SH3RF3: variants seen among roughly 807,000 people sequenced by gnomAD.
SH3RF3 encodes the protein E3 ubiquitin-protein ligase SH3RF3.
In SH3RF3, 29 loss-of-function variants were observed where a neutral mutation model predicts 66.3. The ratio of observed to expected loss-of-function variants is 0.44; its 90% CI spans 0.33 to 0.60. The LOEUF is 0.60. SH3RF3 is among the 20% of genes least tolerant of loss of function. The pLI is 0.04. For missense variants in SH3RF3, 1,194 were observed against 1,190.9 expected, an observed-to-expected ratio of 1.00 and a Z score of -0.04; for synonymous variants, 583 against 532.0, an observed-to-expected ratio of 1.10 and a Z score of -1.32.
At chr2:109,483,878 C>T (rs2104771428) in intron 8 of SH3RF3, among the ~76,000 whole-genome samples, 1 of 152,202 alleles carries the variant, frequency 6.6e-6, no homozygotes, top group East Asian at 1.9e-4. Flanking sequence ...TGGCTTGGCT[C>T]CTCAGAAGCA....
chr2:109,419,707 C>A, intron 5 of SH3RF3, 65 bp downstream of exon 5: 1 of 1,465,858 alleles, frequency 6.8e-7, no homozygotes, highest in East Asian at 2.5e-5. Context: ...CTGGGCTGAC[C>A]TGTCCACGTG....
At chr2:109,345,153 C>T (rs1682655525) in intron 1 of SH3RF3, among the ~76,000 whole-genome samples, 1 of 152,172 alleles carries the variant, frequency 6.6e-6, no homozygotes, top group South Asian at 2.1e-4. Context: ...GTGGAAGATG[C>T]CTCAGTCTCT....
chr2:109,156,971 T>C (rs73952859), intron 1 of SH3RF3, among the ~76,000 whole-genome samples: 1,700 of 152,264 alleles, frequency 0.011, 43 homozygotes, highest in African/African-American at 0.038. Flanking sequence ...TTAATAAAGG[T>C]TTTTATTTCC....
chr2:109,186,587 C>T (rs956328042), intron 1 of SH3RF3, among the ~76,000 whole-genome samples: 3 of 152,204 alleles, frequency 2.0e-5, no homozygotes, highest in Non-Finnish European at 4.4e-5. Context: ...AAATAACCTC[C>T]TGCCCCCAGT....
Position 109,129,564 on chromosome 2 carries a change from G to T in SH3RF3, c.24G>T (p.Leu8=). 6.7e-7 allele frequency: 1 copy of T among 1,490,136 alleles called. No individual in the cohort carries two copies. Among genetic ancestry groups the T allele is most frequent in the East Asian group, 2.8e-5 (1 of 35,258 alleles). The allele number at this position is 1,490,136 out of a possible 1,614,324, so 92.3% of individuals were successfully genotyped here. A position where few individuals can be genotyped will look rare whatever the true frequency, so the allele number is the denominator to read the frequency against. Residue 8 remains leucine (L), a synonymous_variant, in exon 1 of 10, where the codon CTG becomes CTT. Coordinates refer to ENST00000309415, the MANE Select transcript of SH3RF3 (RefSeq NM_001099289.3). The part of the protein sequence containing the change: MLLGASW[L]CASKAAAAAA... ...CCATGCTGCTCGGAGCGTCCTGGCT[G>T]TGCGCATCCAAGGCGGCCGCCGCTG...
chr2:109,296,016 A>G (rs1340213999), intron 1 of SH3RF3, among the ~76,000 whole-genome samples: 1 of 152,024 alleles, frequency 6.6e-6, no homozygotes, highest in Non-Finnish European at 1.5e-5. Context: ...TGAAGGATTG[A>G]TGGGAGGCTC....
At chr2:109,140,710 T>C (rs1342703699) in intron 1 of SH3RF3, among the ~76,000 whole-genome samples, 3 of 152,122 alleles carry the variant, frequency 2.0e-5, no homozygotes, top group Non-Finnish European at 1.5e-5. Flanking sequence ...TTATGGGAAA[T>C]AGAATTTTTT....
rs1677440173 is a variant in SH3RF3, at chr2:109,437,595, G to A, written c.1828+449G>A. On this transcript the variant is annotated intron_variant, in intron 7 of 9. Transcript: ENST00000309415. ...CTGCCGGGCCCTGCAGGGCTTCCCA[G>A]CTAGGCGGCATCTCACAGGACAGGG... 2.0e-5 allele frequency among the ~76,000 whole-genome samples: 3 copies of A among 152,238 alleles called. No individual in the cohort carries two copies. The South Asian group carries it at 6.2e-4, about 32-fold the overall frequency.
At chr2:109,489,446 A>G (rs1679070064) in intron 8 of SH3RF3, among the ~76,000 whole-genome samples, 1 of 152,200 alleles carries the variant, frequency 6.6e-6, no homozygotes, top group Non-Finnish European at 1.5e-5. Context: ...GGCCTCACGG[A>G]AAGTCCCATC....
chr2:109,441,658 C>T (rs1036846402), intron 7 of SH3RF3, among the ~76,000 whole-genome samples: 2 of 152,108 alleles, frequency 1.3e-5, no homozygotes, highest in African/African-American at 4.8e-5. Context: ...AAAATTGTTC[C>T]AAATTTGATG....
intron 3 of SH3RF3, 95 bp downstream of exon 3, chr2:109,371,776 A>G: frequency 9.7e-7 from 1 of 1,031,840 alleles, no homozygotes; most frequent in Non-Finnish European, 1.5e-6. Flanking sequence ...CTTTTCTAAG[A>G]GAGAAAGAGG....
At chr2:109,151,222 C>A (rs77688928) in intron 1 of SH3RF3, among the ~76,000 whole-genome samples, 1,614 of 152,298 alleles carry the variant, frequency 0.011, 38 homozygotes, top group African/African-American at 0.037. Context: ...ACTGAGGTAT[C>A]TGTGCTGTCT....
chr2:109,455,266 G>A (rs1041184770), intron 8 of SH3RF3, among the ~76,000 whole-genome samples: 3 of 152,168 alleles, frequency 2.0e-5, no homozygotes, highest in African/African-American at 7.2e-5. Context: ...CTTGGGGGGA[G>A]AAAGGGCCCT....
At chr2:109,146,100 G>T (rs532825853) in intron 1 of SH3RF3, among the ~76,000 whole-genome samples, 6 of 152,318 alleles carry the variant, frequency 3.9e-5, no homozygotes, top group African/African-American at 1.4e-4. Flanking sequence ...TGAACAGTTA[G>T]ATTTAGTGAA....
At chr2:109,440,462 T>C (rs1677530563) in intron 7 of SH3RF3, among the ~76,000 whole-genome samples, 1 of 152,198 alleles carries the variant, frequency 6.6e-6, no homozygotes, top group South Asian at 2.1e-4. Flanking sequence ...AGGGGGCACA[T>C]CAAAGGGTGT....
rs758348459 is a variant in SH3RF3, at chr2:109,449,333, G to A, written c.1992G>A (p.Pro664=). The A allele has an allele frequency of 2.1e-5, 34 of 1,604,638 alleles. No individual in the cohort carries two copies. Among genetic ancestry groups the A allele is most frequent in the Middle Eastern group, 1.7e-4 (1 of 6,044 alleles). Residue 664 remains proline (P), a synonymous_variant, in exon 8 of 10, where the codon CCG becomes CCA. Coordinates refer to ENST00000309415, the MANE Select transcript of SH3RF3 (RefSeq NM_001099289.3). ...CCCCGGTGCAGATGTGCCCACGGCC[G>A]GCCATCCCCCTCACATCAGCAGCAT... The part of the protein sequence containing the change: ...HQPPVQMCPR[P]AIPLTSAASA...
intron 8 of SH3RF3, among the ~76,000 whole-genome samples, chr2:109,467,725 C>T (rs1291492830): frequency 6.6e-6 from 1 of 152,188 alleles, no homozygotes; most frequent in Admixed American, 6.5e-5. Flanking sequence ...TGAGGATGAG[C>T]GTTTGAAGCA....
chr2:109,276,702 T>A (rs913636947), intron 1 of SH3RF3, among the ~76,000 whole-genome samples: 1 of 152,224 alleles, frequency 6.6e-6, no homozygotes. Flanking sequence ...CCTTTTTGGC[T>A]TGTTTTAAAT....
At chr2:109,220,505 G>A (rs537614389) in intron 1 of SH3RF3, among the ~76,000 whole-genome samples, 7 of 152,266 alleles carry the variant, frequency 4.6e-5, no homozygotes, top group African/African-American at 1.7e-4. Flanking sequence ...AAGAATGGGA[G>A]AAAATATTTG....
Sources: allele counts gnomAD v4.1 joint callset (sites outside exome capture counted in the v4.1 genomes callset), GRCh38; gene constraint gnomAD v4.1.1; transcripts MANE v1.5; gene names NCBI Gene and HGNC (gene_info 2026-07-23, HGNC 2026-07-21).